Variants in COLEC12 observed in about 807,000 individuals in gnomAD.
COLEC12 encodes collectin subfamily member 12.
COLEC12 carries 33 observed loss-of-function variants against 71.1 expected under a neutral mutation model. The observed-to-expected ratio is 0.46, with a 90% CI of 0.35 to 0.62. The LOEUF (loss-of-function observed/expected upper bound fraction) is 0.62. Among genes scored for constraint, COLEC12 ranks in the 20% least tolerant of loss-of-function variants. The pLI, the probability that COLEC12 is intolerant of heterozygous loss-of-function variation, is 0.00. For missense variants in COLEC12, 765 were observed against 916.1 expected, an observed-to-expected ratio of 0.84 and a Z score of 2.13; for synonymous variants, 350 against 353.0, an observed-to-expected ratio of 0.99 and a Z score of 0.10.
chr18:463,008 T>C (rs1917012160), intron 2 of COLEC12, among the ~76,000 whole-genome samples: 1 of 152,186 alleles, frequency 6.6e-6, no homozygotes, highest in Non-Finnish European at 1.5e-5. Flanking sequence ...GGTTTTCTGA[T>C]AGCTGTTCTC....
intron 2 of COLEC12, among the ~76,000 whole-genome samples, chr18:434,731 T>G (rs1156756615): frequency 6.6e-6 from 1 of 152,214 alleles, no homozygotes; most frequent in East Asian, 1.9e-4. Context: ...AAAGCACATA[T>G]TTGAAGCTCA....
At chr18:325,740 T>C (rs766289889) in intron 8 of COLEC12, among the ~76,000 whole-genome samples, 1 of 143,378 alleles carries the variant, frequency 7.0e-6, no homozygotes, top group Non-Finnish European at 1.5e-5. Flanking sequence ...CACAGCTCAC[T>C]GCAGCCTCAA....
At chr18:492,281 A>T (rs1425603919) in intron 1 of COLEC12, among the ~76,000 whole-genome samples, 2 of 152,226 alleles carry the variant, frequency 1.3e-5, no homozygotes, top group African/African-American at 4.8e-5. Context: ...GATGCTTGTA[A>T]AAATGGCAGA....
chr18:354,573 G>T lies in COLEC12; in HGVS notation c.181+2827C>A, dbSNP rs142019072. Among the ~76,000 whole-genome samples the T allele has an allele frequency of 7.9e-5, 12 of 152,212 alleles. No homozygotes were observed. In the East Asian group the frequency reaches 2.3e-3, roughly 29 times the overall value. ...GAGAGAGTTTCTCTAGACTTCAAAG[G>T]GGGAATGTGTGAAGGGAGAACTGGG... On this transcript the variant is annotated intron_variant, in intron 3 of 9. Coordinates refer to ENST00000400256, the MANE Select transcript of COLEC12 (RefSeq NM_130386.3).
At chr18:329,837 C>G (rs567403593) in intron 8 of COLEC12, among the ~76,000 whole-genome samples, 3 of 152,278 alleles carry the variant, frequency 2.0e-5, no homozygotes, top group East Asian at 3.9e-4. Context: ...CAGTGCTTTG[C>G]GAGGCCAAGG....
intron 8 of COLEC12, among the ~76,000 whole-genome samples, chr18:328,688 A>G (rs1278485112): frequency 6.6e-6 from 1 of 152,128 alleles, no homozygotes; most frequent in Non-Finnish European, 1.5e-5. Context: ...TGGAAAATTC[A>G]TCTTATAAAT....
intron 1 of COLEC12, among the ~76,000 whole-genome samples, chr18:485,074 G>A (rs753576561): frequency 2.5e-4 from 38 of 152,356 alleles, no homozygotes; most frequent in Non-Finnish European, 5.0e-4. Context: ...AGGGCTGACA[G>A]GCAGGTTTTC....
intron 3 of COLEC12, among the ~76,000 whole-genome samples, chr18:355,144 G>A (rs1159856867): frequency 6.6e-6 from 1 of 152,096 alleles, no homozygotes; most frequent in African/African-American, 2.4e-5. Context: ...AATATCATGA[G>A]ACTAGGTGCT....
intron 8 of COLEC12, among the ~76,000 whole-genome samples, chr18:330,690 C>T (rs1007227794): frequency 2.0e-5 from 3 of 151,970 alleles, no homozygotes; most frequent in African/African-American, 7.3e-5. Flanking sequence ...GCCCTGGAGA[C>T]TTCTAGGTTA....
chr18:352,037 C>T (rs1914534468), intron 3 of COLEC12, among the ~76,000 whole-genome samples: 1 of 152,152 alleles, frequency 6.6e-6, no homozygotes, highest in Admixed American at 6.5e-5. Context: ...CCAACCAACC[C>T]AGGGAAGCCT....
chr18:403,282 T>C (rs1347371393), intron 2 of COLEC12, among the ~76,000 whole-genome samples: 1 of 152,242 alleles, frequency 6.6e-6, no homozygotes, highest in Non-Finnish European at 1.5e-5. Context: ...TCACCCAAGT[T>C]ATCCTTTTGT....
chr18:371,386 A>G (rs1286330999), intron 2 of COLEC12, among the ~76,000 whole-genome samples: 1 of 152,152 alleles, frequency 6.6e-6, no homozygotes. Flanking sequence ...AGCCCGTGGA[A>G]GATCCATCTG....
At position 362,008 on chromosome 18, in the gene COLEC12, A is replaced by G. The variant is rs1366836930; in HGVS notation, c.59-4486T>C. Among the ~76,000 whole-genome samples, 1 of 152,210 alleles carries G rather than the reference A, an allele frequency of 6.6e-6. No individual in the cohort carries two copies. Among genetic ancestry groups the G allele is most frequent in the East Asian group, 1.9e-4 (1 of 5,192 alleles). ...GAAGGTTGTGCAGAGGTCAAGCGTC[A>G]TTGTGTCATTGATGGGAAAAGAGAG... On this transcript the variant is annotated intron_variant, in intron 2 of 9. Coordinates refer to ENST00000400256, the MANE Select transcript of COLEC12 (RefSeq NM_130386.3). The surrounding 1 kb of genome is among the most constrained non-coding windows in gnomAD (Gnocchi z 4.6).
rs113836743 is a variant in COLEC12 at position 404,104 on chromosome 18, T to C, written c.59-46582A>G. Among the ~76,000 whole-genome samples, 3 of 152,224 alleles carry C rather than the reference T, an allele frequency of 2.0e-5. No individual in the cohort carries two copies. The South Asian group carries it at 6.2e-4, about 32-fold the overall frequency. ...TTATCTTCACACACCATGTCGCCGA[T>C]GTGCGAGTATAATATAGGAATGAAA... On this transcript the variant is annotated intron_variant, in intron 2 of 9. Transcript: ENST00000400256.
rs79221811 is a variant in COLEC12, at chr18:328,726, G to A, written c.2063+2942C>T. Among the ~76,000 whole-genome samples, 4,016 of 152,210 alleles carry A rather than the reference G, an allele frequency of 0.026. 269 individuals carry two copies. In the East Asian group the frequency reaches 0.29, roughly 11 times the overall value. Reference sequence around the variant, plus strand: ...GGACATGGAGGTTTTGCAGAGTTGAGCAACTCACACGAGGCCTTGCAGCTT... The same window carrying A: ...GGACATGGAGGTTTTGCAGAGTTGAACAACTCACACGAGGCCTTGCAGCTT... On this transcript the variant is annotated intron_variant, in intron 8 of 9. Coordinates refer to ENST00000400256, the MANE Select transcript of COLEC12 (RefSeq NM_130386.3).
At chr18:388,122 C>A (rs187741811) in intron 2 of COLEC12, among the ~76,000 whole-genome samples, 2 of 152,226 alleles carry the variant, frequency 1.3e-5, no homozygotes, top group African/African-American at 4.8e-5. Flanking sequence ...TGTAAAACAG[C>A]CCCAACTAGA....
chr18:463,464 G>C (rs76838618), intron 2 of COLEC12, among the ~76,000 whole-genome samples: 1,716 of 152,270 alleles, frequency 0.011, 17 homozygotes, highest in African/African-American at 0.025. Context: ...CACACACACA[G>C]AGAGAAAAAT....
chr18:338,984 A>ATTTTT (rs33991062), intron 5 of COLEC12, among the ~76,000 whole-genome samples: 9,976 of 141,238 alleles, frequency 0.071, 404 homozygotes, highest in Admixed American at 0.1. Flanking sequence ...TATTGTCTTA[A>ATTTTT]TTTTTTTTTT....
intron 2 of COLEC12, among the ~76,000 whole-genome samples, chr18:378,000 G>T (rs1184686344): frequency 6.6e-6 from 1 of 152,108 alleles, no homozygotes; most frequent in East Asian, 1.9e-4. Flanking sequence ...ACCAAAAAGA[G>T]AATATAGAAT....
Sources: gnomAD v4.1 joint callset for allele counts (sites outside exome capture counted in the v4.1 genomes callset) on GRCh38, gnomAD v4.1.1 for gene constraint, Gnocchi (gnomAD v3.1) non-coding constraint, MANE v1.5 for transcripts, NCBI Gene and HGNC (gene_info 2026-07-23, HGNC 2026-07-21) for gene names.